The following ZNF510 variants were observed in gnomAD, a reference collection of about 807,000 sequenced individuals.
The protein encoded by ZNF510 is zinc finger protein 510.
In ZNF510, 15 loss-of-function variants were observed where a neutral mutation model predicts 18.1. The observed-to-expected ratio is 0.83, with a 90% CI of 0.55 to 1.28. ZNF510 has a LOEUF of 1.28. Ranked by LOEUF, ZNF510 falls within the 50% of genes most tolerant of loss-of-function variation. The probability of loss-of-function intolerance (pLI) is 0.00; values close to 1 mark genes in which losing one functional copy is unlikely to be tolerated. For synonymous variants in ZNF510, 261 were observed against 266.4 expected (o/e 0.98, Z 0.20); for missense variants, 724 against 791.8 (o/e 0.91, Z 1.03).
chr9:96,774,994 G>C (rs552782319), intron 2 of ZNF510, 148 bp from the exon 3 acceptor site: 11 of 618,362 alleles, frequency 1.8e-5, no homozygotes, highest in Admixed American at 2.9e-5. Context: ...TACAGAGAAA[G>C]CACCTCCTGA....
At chr9:96,760,709 A>G (rs1330564526) in intron 5 of ZNF510, among the ~76,000 whole-genome samples, 2 of 152,002 alleles carry the variant, frequency 1.3e-5, no homozygotes, top group African/African-American at 4.8e-5. Flanking sequence ...GCATGTGATT[A>G]GTAAGATTTT....
intron 3 of ZNF510, among the ~76,000 whole-genome samples, chr9:96,771,531 T>C (rs1271616668): frequency 6.6e-6 from 1 of 152,022 alleles, no homozygotes; most frequent in East Asian, 1.9e-4. Context: ...TAAGACTCAA[T>C]GGTGAAATAC....
chr9:96,760,530 G>A lies in ZNF510; in HGVS notation c.353-53C>T, dbSNP rs905929063. 97 of 1,480,820 alleles carry A rather than the reference G, an allele frequency of 6.6e-5. No homozygotes were observed. The Middle Eastern group carries it at 1.1e-3, about 17-fold the overall frequency. 91.7% of individuals were successfully genotyped at this position (1,480,820 alleles called of 1,614,324 possible). ...ATGACTCTTACATCTTCTGTGGGTA[G>A]AGCTTTATCAACATACAGCCTATGT... On this transcript the variant is annotated intron_variant, in intron 5 of 5. Coordinates refer to ENST00000223428, the MANE Select transcript of ZNF510 (RefSeq NM_014930.3).
chr9:96,773,580 G>GC (rs1554797342), intron 3 of ZNF510, among the ~76,000 whole-genome samples: 3 of 143,346 alleles, frequency 2.1e-5, no homozygotes, highest in African/African-American at 7.7e-5. Flanking sequence ...GTTGACATCT[G>GC]TTTTTTTTTT....
rs989469806 is a variant in ZNF510 at position 96,756,681 on chromosome 9, A to G, written c.*2097T>C. On this transcript the variant is annotated 3_prime_UTR_variant, in exon 6 of 6. Coordinates refer to ENST00000223428, the MANE Select transcript of ZNF510 (RefSeq NM_014930.3). ...GGAAGAGATATCCAATGTGTAAAAG[A>G]GCCCAAGAGTAAACTAACAGCTGCT... The G allele has an allele frequency of 6.6e-6, 1 of 152,222 alleles. No homozygotes were observed. Among genetic ancestry groups the G allele is most frequent in the African/African-American group, 2.4e-5 (1 of 41,448 alleles). 9.4% of individuals were successfully genotyped at this position (152,222 alleles called of 1,614,324 possible).
chr9:96,776,176 G>A lies in ZNF510; in HGVS notation c.-107C>T. The A allele has an allele frequency of 6.7e-7, 1 of 1,490,572 alleles. No homozygotes were observed. 92.3% of individuals were successfully genotyped at this position (1,490,572 alleles called of 1,614,324 possible). On this transcript the variant is annotated 5_prime_UTR_variant, in exon 2 of 6. Coordinates refer to ENST00000223428, the MANE Select transcript of ZNF510 (RefSeq NM_014930.3). Reference sequence around the variant, plus strand: ...CTTCTGCATCTGTTTGGAAGCCCTGGTGAGGAGGTCTCTGTTCTGTCAGAG... The same window carrying A: ...CTTCTGCATCTGTTTGGAAGCCCTGATGAGGAGGTCTCTGTTCTGTCAGAG...
At position 96,763,643 on chromosome 9, in the gene ZNF510, ACATTTCTATT is replaced by A; in HGVS notation, c.130-21_130-12del. 1 of 1,592,198 alleles carries A rather than the reference ACATTTCTATT, an allele frequency of 6.3e-7. No homozygotes were observed. Among genetic ancestry groups the A allele is most frequent in the Non-Finnish European group, 8.5e-7 (1 of 1,171,368 alleles). ...GAATGACACTGATGCCTGTAACAGT[ACATTTCTATT>A]CAATCTGAAGGGTTCAGAATTAGAT... On this transcript the variant is annotated splice_polypyrimidine_tract_variant and intron_variant, in intron 3 of 5. Transcript: ENST00000223428.
intron 5 of ZNF510, 161 bp downstream of exon 5, chr9:96,762,957 T>G (rs1471539903): frequency 1.7e-6 from 1 of 587,698 alleles, no homozygotes; most frequent in Non-Finnish European, 3.1e-6. Context: ...TTTCTTACTT[T>G]TAATGGAATC....
intron 3 of ZNF510, among the ~76,000 whole-genome samples, chr9:96,765,214 C>T (rs1402501115): frequency 6.6e-6 from 1 of 152,198 alleles, no homozygotes; most frequent in East Asian, 1.9e-4. Flanking sequence ...TTGCTATGCA[C>T]CTGGCAAACA....
Position 96,759,357 on chromosome 9 carries a change from A to G in ZNF510, c.1473T>C (p.Ser491=). The G allele has an allele frequency of 6.2e-7, 1 of 1,614,118 alleles. No individual in the cohort carries two copies. Among genetic ancestry groups the G allele is most frequent in the Non-Finnish European group, 8.5e-7 (1 of 1,179,994 alleles). The part of the protein sequence containing the change: ...IHTGEKPYEC[S]ECGKTFVQKS... ...TCTGAACAAAAGTTTTCCCACATTC[A>G]CTACATTCATAGGGTTTTTCTCCTG... Residue 491 remains serine, a synonymous_variant, in exon 6 of 6, where the codon AGT becomes AGC. Coordinates refer to ENST00000223428, the MANE Select transcript of ZNF510 (RefSeq NM_014930.3).
At chr9:96,764,886 A>G (rs1171252994) in intron 3 of ZNF510, among the ~76,000 whole-genome samples, 7 of 152,078 alleles carry the variant, frequency 4.6e-5, no homozygotes, top group Non-Finnish European at 1.0e-4. Context: ...AGGCCGAGGC[A>G]GGCGGATCAC....
chr9:96,766,044 T>C (rs1192525439), intron 3 of ZNF510, among the ~76,000 whole-genome samples: 1 of 152,192 alleles, frequency 6.6e-6, no homozygotes, highest in East Asian at 1.9e-4. Flanking sequence ...ACTGACTGGC[T>C]GACAAAAATG....
chr9:96,766,821 AGAC>A (rs1849484129), intron 3 of ZNF510, among the ~76,000 whole-genome samples: 1 of 135,882 alleles, frequency 7.4e-6, no homozygotes, highest in African/African-American at 3.8e-5. Context: ...GGAGAGAGAG[AGAC>A]GAGACAGGCA....
chr9:96,768,339 C>T (rs1373821826), intron 3 of ZNF510, among the ~76,000 whole-genome samples: 1 of 152,086 alleles, frequency 6.6e-6, no homozygotes, highest in Non-Finnish European at 1.5e-5. Flanking sequence ...CATTTCTATT[C>T]ATTATACTGG....
Position 96,776,150 on chromosome 9 carries a change from T to G in ZNF510, c.-81A>C. The G allele has an allele frequency of 6.5e-6, 10 of 1,533,394 alleles. No individual in the cohort carries two copies. Among genetic ancestry groups the G allele is most frequent in the Non-Finnish European group, 8.8e-6 (10 of 1,137,586 alleles). The allele number at this position is 1,533,394 out of a possible 1,614,324, so 95.0% of individuals were successfully genotyped here. A position where few individuals can be genotyped will look rare whatever the true frequency, so the allele number is the denominator to read the frequency against. On this transcript the variant is annotated 5_prime_UTR_variant, in exon 2 of 6. Coordinates refer to ENST00000223428, the MANE Select transcript of ZNF510 (RefSeq NM_014930.3). ...AATCAAGACCTGCTCCTTTCTGGGT[T>G]CTTCTGCATCTGTTTGGAAGCCCTG...
rs1284589878 is a variant in ZNF510, at chr9:96,759,679, T to G, written c.1151A>C (p.Lys384Thr). The G allele has an allele frequency of 6.2e-7, 1 of 1,613,588 alleles. No homozygotes were observed. Among genetic ancestry groups the G allele is most frequent in the African/African-American group, 1.3e-5 (1 of 74,916 alleles). ...VKSSEYHENK[K>T]SYQTSVHRVR... ...TCTGTGAACCGACGTCTGGTAGGAT[T>G]TCTTATTTTCATGATATTCAGAGGA... Residue 384 changes from lysine to threonine, a missense_variant, in exon 6 of 6, where the codon AAA (lysine) becomes ACA (threonine). Transcript: ENST00000223428.
At chr9:96,762,516 AAAAAAAAG>A (rs1849376276) in intron 5 of ZNF510, among the ~76,000 whole-genome samples, 1 of 142,418 alleles carries the variant, frequency 7.0e-6, no homozygotes, top group African/African-American at 3.1e-5. Flanking sequence ...CTCAAAAAAA[AAAAAAAAG>A]AAAAGAAAAA....
Position 96,759,933 on chromosome 9 carries a change from G to A in ZNF510, c.897C>T (p.His299=). 1 of 1,613,302 alleles carries A rather than the reference G, an allele frequency of 6.2e-7. No homozygotes were observed. Among genetic ancestry groups the A allele is most frequent in the Non-Finnish European group, 8.5e-7 (1 of 1,179,954 alleles). ...GTTTCTTCCCTGTGCCAGTTCTCCT[G>A]TGGTCAAAGAGAGTTTTCTTATCAC... The part of the protein sequence containing the change: ...KNCDKKTLFD[H]RRTGTGKKHL... Residue 299 remains histidine (H), a synonymous_variant, in exon 6 of 6, where the codon CAC becomes CAT. Coordinates refer to ENST00000223428, the MANE Select transcript of ZNF510 (RefSeq NM_014930.3).
At chr9:96,775,497 A>G (rs1849677295) in intron 2 of ZNF510, among the ~76,000 whole-genome samples, 1 of 152,194 alleles carries the variant, frequency 6.6e-6, no homozygotes, top group Non-Finnish European at 1.5e-5. Flanking sequence ...AGAAAACACA[A>G]AACTGAAAAA....
Sources: allele counts gnomAD v4.1 joint callset (sites outside exome capture counted in the v4.1 genomes callset), GRCh38; gene constraint gnomAD v4.1.1; transcripts MANE v1.5; gene names NCBI Gene and HGNC (gene_info 2026-07-23, HGNC 2026-07-21).